DHRSX: variants seen among roughly 807,000 people sequenced by gnomAD.
DHRSX encodes the protein dehydrogenase/reductase X-linked.
Under a neutral mutation model 34.0 loss-of-function variants are expected in DHRSX, and 31 were observed. That is an observed-to-expected ratio of 0.91 (90% CI 0.69 to 1.23). DHRSX has a LOEUF of 1.23. DHRSX is among the 50% of genes most tolerant of loss of function. The probability of loss-of-function intolerance (pLI) is 0.00; values close to 1 mark genes in which losing one functional copy is unlikely to be tolerated. For missense variants in DHRSX, 414 were observed against 428.1 expected, an observed-to-expected ratio of 0.97 and a Z score of 0.29; for synonymous variants, 201 against 183.8, an observed-to-expected ratio of 1.09 and a Z score of -0.76.
intron 4 of DHRSX, among the ~76,000 whole-genome samples, chrX:2,274,483 C>T (rs2041598137): frequency 6.6e-6 from 1 of 150,406 alleles, no homozygotes; most frequent in African/African-American, 2.5e-5. Flanking sequence ...GTGGGTTGAA[C>T]TCGGCTCACT....
At chrX:2,375,550 G>C (rs2043130932) in intron 3 of DHRSX, among the ~76,000 whole-genome samples, 1 of 136,830 alleles carries the variant, frequency 7.3e-6, no homozygotes, top group Admixed American at 7.3e-5. Flanking sequence ...TTGTGTGTTT[G>C]TTTCTTGATT....
chrX:2,252,207 A>G (rs1292392311), intron 5 of DHRSX, among the ~76,000 whole-genome samples: 15 of 152,134 alleles, frequency 9.9e-5, no homozygotes, highest in Admixed American at 5.2e-4. Flanking sequence ...ATTGCACTCC[A>G]GCCTGGGTGA....
intron 6 of DHRSX, among the ~76,000 whole-genome samples, chrX:2,225,078 T>G (rs1317128248): frequency 6.9e-6 from 1 of 145,956 alleles, no homozygotes; most frequent in Non-Finnish European, 1.5e-5. Context: ...TGCACTCACA[T>G]GCTCACTCAT....
At chrX:2,245,982 A>G (rs2016272405) in intron 5 of DHRSX, among the ~76,000 whole-genome samples, 1 of 143,406 alleles carries the variant, frequency 7.0e-6, no homozygotes, top group Non-Finnish European at 1.5e-5. Context: ...AAAAAACAAA[A>G]AAACACACAA....
intron 3 of DHRSX, among the ~76,000 whole-genome samples, chrX:2,394,448 C>T (rs1048562844): frequency 1.3e-5 from 2 of 152,024 alleles, no homozygotes; most frequent in Admixed American, 6.5e-5. Context: ...TGAGGATAGC[C>T]GGTTAGAGCT....
chrX:2,227,475 G>A (rs778130322), intron 6 of DHRSX, among the ~76,000 whole-genome samples: 5 of 143,736 alleles, frequency 3.5e-5, no homozygotes, highest in African/African-American at 1.0e-4. Flanking sequence ...AAGGAAGGAA[G>A]CAGAGAACAA....
chrX:2,321,870 G>C (rs1053949888), intron 3 of DHRSX, among the ~76,000 whole-genome samples: 12 of 152,026 alleles, frequency 7.9e-5, no homozygotes, highest in African/African-American at 2.2e-4. Flanking sequence ...AGGTGAAGAC[G>C]ATAAGGATGA....
At chrX:2,463,144 G>C (rs1269169374) in intron 1 of DHRSX, among the ~76,000 whole-genome samples, 1 of 152,164 alleles carries the variant, frequency 6.6e-6, no homozygotes, top group Non-Finnish European at 1.5e-5. Context: ...AACTGTGAGT[G>C]ATAAATGTCT....
intron 4 of DHRSX, among the ~76,000 whole-genome samples, chrX:2,286,164 T>C (rs987242326): frequency 6.6e-5 from 10 of 151,886 alleles, no homozygotes; most frequent in African/African-American, 2.4e-4. Context: ...AGGCATGCAA[T>C]AAATGAGAAA....
intron 3 of DHRSX, among the ~76,000 whole-genome samples, chrX:2,300,975 G>A (rs1432265034): frequency 1.3e-5 from 2 of 152,166 alleles, no homozygotes; most frequent in Non-Finnish European, 2.9e-5. Context: ...CCCTTTTAAA[G>A]CATGTGGACA....
intron 1 of DHRSX, among the ~76,000 whole-genome samples, chrX:2,486,253 C>T (rs1325954732): frequency 6.6e-6 from 1 of 152,076 alleles, no homozygotes; most frequent in East Asian, 1.9e-4. Context: ...TGAGGATTTA[C>T]AGACAAGAAA....
At chrX:2,461,291 AG>A (rs2044398768) in intron 1 of DHRSX, among the ~76,000 whole-genome samples, 1 of 152,220 alleles carries the variant, frequency 6.6e-6, no homozygotes, top group Non-Finnish European at 1.5e-5. Context: ...ACAAGCTAAA[AG>A]CCAGTTGGAG....
At chrX:2,474,650 A>G (rs6641584) in intron 1 of DHRSX, among the ~76,000 whole-genome samples, 2 of 144,940 alleles carry the variant, frequency 1.4e-5, no homozygotes, top group Non-Finnish European at 3.0e-5. Context: ...CCTAACAATG[A>G]GGCCAAGGGA....
Position 2,291,571 on chromosome X carries a change from T to A in DHRSX, c.319A>T (p.Thr107Ser), listed in dbSNP as rs1569484472. The change falls in exon 4 of 7, where the codon ACT (threonine) becomes TCT (serine). Residue 107 changes from threonine (T) to serine (S), a missense_variant. Thr to Ser is a moderately conservative substitution (Grantham distance 58, BLOSUM62 1). Coordinates refer to ENST00000334651, the MANE Select transcript of DHRSX (RefSeq NM_145177.3). The stretch of plus-strand genomic sequence containing the variant: ...TTCTGCACAAACTGCCGGATGGAAG[T>A]CATGGAAGCCAAGTCACAGTATAAA... ...EFLYCDLASM[T>S]SIRQFVQKFK... The A allele has an allele frequency of 6.2e-7, 1 of 1,613,854 alleles. No homozygotes were observed. Among genetic ancestry groups the A allele is most frequent in the Non-Finnish European group, 8.5e-7 (1 of 1,179,818 alleles).
intron 1 of DHRSX, among the ~76,000 whole-genome samples, chrX:2,454,954 AAC>A (rs1273526087): frequency 1.3e-5 from 2 of 151,840 alleles, no homozygotes; most frequent in African/African-American, 4.8e-5. Context: ...CTCTACTAAA[AAC>A]ACAAAATTAG....
At chrX:2,468,409 GA>G (rs1183699741) in intron 1 of DHRSX, among the ~76,000 whole-genome samples, 1 of 150,790 alleles carries the variant, frequency 6.6e-6, no homozygotes, top group Non-Finnish European at 1.5e-5. Flanking sequence ...GTCGCTGACA[GA>G]GGAAACGGAT....
At chrX:2,249,628 A>T (rs913263937) in intron 5 of DHRSX, among the ~76,000 whole-genome samples, 2 of 137,836 alleles carry the variant, frequency 1.5e-5, no homozygotes, top group African/African-American at 5.4e-5. Context: ...GGTTCAAGTG[A>T]TTCTCCTGCC....
chrX:2,323,772 A>C (rs1309770563), intron 3 of DHRSX, among the ~76,000 whole-genome samples: 1 of 151,924 alleles, frequency 6.6e-6, no homozygotes, highest in Non-Finnish European at 1.5e-5. Context: ...CGGTCTCGAA[A>C]AAATCATCAT....
intron 3 of DHRSX, among the ~76,000 whole-genome samples, chrX:2,349,811 G>C (rs745335376): frequency 0.39 from 58,376 of 147,880 alleles, 11,505 homozygotes; most frequent in African/African-American, 0.47. Flanking sequence ...GGAGGCCGAG[G>C]CGGGCGGATC....
Sources: allele counts gnomAD v4.1 joint callset (sites outside exome capture counted in the v4.1 genomes callset), GRCh38; gene constraint gnomAD v4.1.1; transcripts MANE v1.5; gene names NCBI Gene and HGNC (gene_info 2026-07-23, HGNC 2026-07-21).